The following YTHDC1 variants were observed in gnomAD, a reference collection of about 807,000 sequenced individuals.
YTHDC1 encodes the protein YTH N6-methyladenosine RNA binding protein C1.
YTHDC1 carries 12 observed loss-of-function variants against 107.0 expected under a neutral mutation model. That is an observed-to-expected ratio of 0.11 (90% CI 0.07 to 0.18). The LOEUF is 0.18. YTHDC1 is among the 10% of genes least tolerant of loss of function. The pLI is 1.00. For missense variants in YTHDC1, 635 were observed against 898.8 expected (o/e 0.71, Z 3.75); for synonymous variants, 280 against 289.5 (o/e 0.97, Z 0.33).
In YTHDC1 at chr4:68,313,964, G is replaced by C; in HGVS notation, c.*135C>G. ...GATACTGCATGCTTGGAACAAAGGGGGTCATAATAAATCCTTCTACACAAT... is the reference window on the plus strand; with the variant it reads ...GATACTGCATGCTTGGAACAAAGGGCGTCATAATAAATCCTTCTACACAAT... On this transcript the variant is annotated 3_prime_UTR_variant, in exon 17 of 17. Transcript: ENST00000344157. 1.1e-6 allele frequency: 1 copy of C among 915,420 alleles called. No homozygotes were observed. The highest frequency in any genetic ancestry group is 2.3e-5 in the Admixed American group (1 of 43,646). 56.7% of individuals were successfully genotyped at this position (915,420 alleles called of 1,614,324 possible). A position where few individuals can be genotyped will look rare whatever the true frequency, so the allele number is the denominator to read the frequency against.
rs534205624 is a variant in YTHDC1 at position 68,326,604 on chromosome 4, G to A, written c.1350-2381C>T. Reference sequence around the variant, plus strand: ...AATGTAAAACTGTGCACAGTTTTTTGTTTTGAGACACAGTCTCACTCTGTT... The same window carrying A: ...AATGTAAAACTGTGCACAGTTTTTTATTTTGAGACACAGTCTCACTCTGTT... On this transcript the variant is annotated intron_variant, in intron 9 of 16. Transcript: ENST00000344157. 5.3e-5 allele frequency among the ~76,000 whole-genome samples: 8 copies of A among 152,110 alleles called. No individual in the cohort carries two copies. In the East Asian group the frequency reaches 1.6e-3, roughly 30 times the overall value.
chr4:68,331,091 T>A (rs183183250), intron 7 of YTHDC1, among the ~76,000 whole-genome samples: 1 of 152,166 alleles, frequency 6.6e-6, no homozygotes, highest in South Asian at 2.1e-4. Context: ...TATTTGCGTA[T>A]AACCCATGCA....
chr4:68,339,986 TTAAC>T (rs1724637059), intron 1 of YTHDC1, among the ~76,000 whole-genome samples: 1 of 152,144 alleles, frequency 6.6e-6, no homozygotes, highest in Non-Finnish European at 1.5e-5. Flanking sequence ...TGTTTAAACA[TTAAC>T]TATTCCAATA....
Position 68,337,157 on chromosome 4 carries a change from T to G in YTHDC1, c.753A>C (p.Glu251Asp), listed in dbSNP as rs765628775. Residue 251 changes from glutamate to aspartate, a missense_variant, in exon 4 of 17, where the codon GAA becomes GAC. Glu to Asp is a conservative substitution (Grantham distance 45, BLOSUM62 2). This residue lies in a region of YTHDC1 where 294 missense variants were observed against 312.3 expected (regional missense o/e 0.94). Transcript: ENST00000344157. ...EEEEEEEEEY[E>D]QDERDQKEEG... ...CCTCTTTCTGGTCTCTCTCATCCTG[T>G]TCATATTCTTCTTCTTCCTCCTCCT... 3 of 1,613,852 alleles carry G rather than the reference T, an allele frequency of 1.9e-6. No individual in the cohort carries two copies. In the Admixed American group the frequency reaches 5.0e-5, roughly 27 times the overall value.
rs1236856516 is a variant in YTHDC1, at chr4:68,313,858, G to C, written c.*241C>G. 1 of 570,268 alleles carries C rather than the reference G, an allele frequency of 1.8e-6. No homozygotes were observed. Among genetic ancestry groups the C allele is most frequent in the Non-Finnish European group, 3.1e-6 (1 of 321,926 alleles). 35.3% of individuals were successfully genotyped at this position (570,268 alleles called of 1,614,324 possible). ...GAATCAGTATCTACATTCTTGGACTGTTCCATTCTGCCCCAATAAAAGTGT... is the reference window on the plus strand; with the variant it reads ...GAATCAGTATCTACATTCTTGGACTCTTCCATTCTGCCCCAATAAAAGTGT... On this transcript the variant is annotated 3_prime_UTR_variant, in exon 17 of 17. Coordinates refer to ENST00000344157, the MANE Select transcript of YTHDC1 (RefSeq NM_001031732.4).
intron 15 of YTHDC1, among the ~76,000 whole-genome samples, chr4:68,316,907 CTGGTTAACCACT>C (rs1307057557): frequency 1.3e-5 from 2 of 152,184 alleles, no homozygotes; most frequent in Non-Finnish European, 2.9e-5. Context: ...AGTTGGTAAA[CTGGTTAACCACT>C]TTGTATGTAT....
At chr4:68,332,933 C>A in intron 5 of YTHDC1, 86 bp from the exon 6 acceptor site, 1 of 1,165,226 alleles carries the variant, frequency 8.6e-7, no homozygotes, top group Non-Finnish European at 1.3e-6. Flanking sequence ...ATAAAATTCT[C>A]ATTCAAGACA....
At chr4:68,317,574 TAAGAC>T (rs949251435) in intron 15 of YTHDC1, among the ~76,000 whole-genome samples, 5 of 152,200 alleles carry the variant, frequency 3.3e-5, no homozygotes, top group African/African-American at 7.2e-5. Context: ...AAATATACTC[TAAGAC>T]AATTCAGTTT....
intron 9 of YTHDC1, 152 bp from the exon 10 acceptor site, chr4:68,324,375 C>T: frequency 3.5e-6 from 2 of 572,230 alleles, no homozygotes; most frequent in Non-Finnish European, 5.8e-6. Flanking sequence ...TAGAAAGCCT[C>T]TTCAGAGACT....
chr4:68,342,785 T>G (rs1489403568), intron 1 of YTHDC1, among the ~76,000 whole-genome samples: 1 of 152,182 alleles, frequency 6.6e-6, no homozygotes, highest in Non-Finnish European at 1.5e-5. Context: ...ATTTTAATAC[T>G]CTCACAAGCT....
intron 1 of YTHDC1, among the ~76,000 whole-genome samples, chr4:68,344,239 T>G (rs1725166604): frequency 6.7e-6 from 1 of 149,258 alleles, no homozygotes; most frequent in African/African-American, 2.5e-5. Flanking sequence ...TCATGATACC[T>G]AACGTATTAA....
intron 4 of YTHDC1, among the ~76,000 whole-genome samples, chr4:68,334,906 A>G (rs997186308): frequency 1.3e-5 from 2 of 152,166 alleles, no homozygotes; most frequent in African/African-American, 4.8e-5. Flanking sequence ...GATCTGAGAT[A>G]ATGCAGGGAA....
At chr4:68,349,630 A>ACCCCCCCCCC in intron 1 of YTHDC1, 96 bp downstream of exon 1, 1 of 153,366 alleles carries the variant, frequency 6.5e-6, no homozygotes, top group Non-Finnish European at 1.3e-5. Context: ...TAACCTCCCC[A>ACCCCCCCCCC]ACCCCCACCC....
Position 68,322,840 on chromosome 4 carries a change from T to C in YTHDC1, c.1510A>G (p.Ile504Val). 6.2e-7 allele frequency: 1 copy of C among 1,614,206 alleles called. No homozygotes were observed. Among genetic ancestry groups the C allele is most frequent in the Non-Finnish European group, 8.5e-7 (1 of 1,180,036 alleles). Residue 504 changes from isoleucine (I) to valine (V), a missense_variant, in exon 11 of 17, where the codon ATT becomes GTT. Around this residue, in one of 5 missense-constraint regions of YTHDC1, gnomAD observed 256 missense variants for 372.9 expected, o/e 0.69. Coordinates refer to ENST00000344157, the MANE Select transcript of YTHDC1 (RefSeq NM_001031732.4). The surrounding 1 kb of genome is among the most constrained non-coding windows in gnomAD (Gnocchi z 4.8). ...PDESIDLYQV[I>V]HKMRHKRRMH... is the part of the protein sequence containing the mutation. ...CTTCTCTTGTGACGCATTTTATGAA[T>C]GACCTGATACAAGTCAATACTTTCA...
At chr4:68,332,553 T>TAC (rs200817025) in intron 6 of YTHDC1, among the ~76,000 whole-genome samples, 1 of 151,546 alleles carries the variant, frequency 6.6e-6, no homozygotes, top group African/African-American at 2.4e-5. Flanking sequence ...CATACACACA[T>TAC]ACACACACAC....
intron 15 of YTHDC1, among the ~76,000 whole-genome samples, chr4:68,316,837 T>C (rs1410834494): frequency 2.6e-5 from 4 of 152,210 alleles, no homozygotes; most frequent in South Asian, 2.1e-4. Context: ...AACCTGCTTA[T>C]AGTCACACTA....
chr4:68,337,993 G>T (rs760407278), intron 2 of YTHDC1, 93 bp from the exon 3 acceptor site: 54 of 1,490,084 alleles, frequency 3.6e-5, no homozygotes, highest in Admixed American at 1.3e-4. Context: ...CATCAGGAAG[G>T]GGGGATAGGC....
chr4:68,328,544 T>C (rs1215938402), intron 9 of YTHDC1, among the ~76,000 whole-genome samples: 2 of 152,226 alleles, frequency 1.3e-5, no homozygotes, highest in African/African-American at 4.8e-5. Flanking sequence ...GTTATACCTT[T>C]CCATGTTGAT....
intron 1 of YTHDC1, 96 bp downstream of exon 1, chr4:68,349,630 A>AGGCCCCCCCCC: frequency 6.5e-6 from 1 of 153,366 alleles, no homozygotes; most frequent in Non-Finnish European, 1.3e-5. Flanking sequence ...TAACCTCCCC[A>AGGCCCCCCCCC]ACCCCCACCC....
Sources: gnomAD v4.1 joint callset for allele counts (sites outside exome capture counted in the v4.1 genomes callset) on GRCh38, gnomAD v4.1.1 for gene constraint, gnomAD v4.1.1 regional missense constraint, Gnocchi (gnomAD v3.1) non-coding constraint, MANE v1.5 for transcripts, NCBI Gene and HGNC (gene_info 2026-07-23, HGNC 2026-07-21) for gene names.